The following LAMB3 variants were observed in gnomAD, a reference collection of about 807,000 sequenced individuals.
LAMB3 encodes laminin subunit beta-3.
Under a neutral mutation model 140.3 loss-of-function variants are expected in LAMB3, and 104 were observed. The observed-to-expected ratio is 0.74, with a 90% CI of 0.63 to 0.87. LAMB3 has a LOEUF of 0.87. Among genes scored for constraint, LAMB3 ranks in the 40% least tolerant of loss-of-function variants. LAMB3 has a pLI of 0.00. For missense variants in LAMB3, 1,531 were observed against 1,575.2 expected (o/e 0.97, Z 0.47); for synonymous variants, 592 against 602.9 (o/e 0.98, Z 0.26).
At chr1:209,625,499 G>A (rs1666402452) in intron 14 of LAMB3, 149 bp downstream of exon 14, 1 of 1,061,010 alleles carries the variant, frequency 9.4e-7, no homozygotes, top group South Asian at 1.3e-5. Flanking sequence ...CAGCCTCACA[G>A]GACTGTTGTA....
chr1:209,623,907 A>G lies in LAMB3; in HGVS notation c.2070T>C (p.Asn690=), dbSNP rs1167883454. ...RDLESLDRSF[N]GLLTMYQRKR... ...TCCTCTGATACATAGTAAGGAGACC[A>G]TTGAAGCTTCTGTCAAGACTCTCCA... Residue 690 remains asparagine, a synonymous_variant, in exon 15 of 23, where the codon AAT becomes AAC. Coordinates refer to ENST00000356082, the MANE Select transcript of LAMB3 (RefSeq NM_000228.3). The surrounding 1 kb of genome is among the most constrained non-coding windows in gnomAD (Gnocchi z 4.2). 1.9e-6 allele frequency: 3 copies of G among 1,614,016 alleles called. No individual in the cohort carries two copies. In the South Asian group the frequency reaches 3.3e-5, roughly 18 times the overall value.
At chr1:209,649,402 G>A (rs1006505574) in intron 3 of LAMB3, among the ~76,000 whole-genome samples, 4 of 152,174 alleles carry the variant, frequency 2.6e-5, no homozygotes, top group Non-Finnish European at 5.9e-5. Flanking sequence ...CAAATTAGAA[G>A]AAAAGTTTGT....
intron 2 of LAMB3, 148 bp downstream of exon 2, chr1:209,650,769 C>A: frequency 1.2e-6 from 1 of 815,388 alleles, no homozygotes. Context: ...GGGGAAATCT[C>A]ACAGGTGTCC....
chr1:209,618,196 C>G, intron 19 of LAMB3, 148 bp from the exon 20 acceptor site: 1 of 1,057,322 alleles, frequency 9.5e-7, no homozygotes, highest in Non-Finnish European at 1.4e-6. Flanking sequence ...GCTTTGATGT[C>G]CCAGGACCCC....
chr1:209,617,018 C>T (rs1186826897), intron 21 of LAMB3, among the ~76,000 whole-genome samples: 3 of 152,236 alleles, frequency 2.0e-5, no homozygotes, highest in African/African-American at 7.2e-5. Flanking sequence ...TTGATCTTCT[C>T]TCTCATCTAA....
rs186130143 is a variant in LAMB3 at position 209,616,581 on chromosome 1, C to A, written c.3272G>T (p.Arg1091Leu). The A allele has an allele frequency of 1.1e-5, 17 of 1,614,116 alleles. No individual in the cohort carries two copies. In the African/African-American group the frequency reaches 1.5e-4, roughly 14 times the overall value. The change falls in exon 22 of 23, where the codon CGG (arginine) becomes CTG (leucine). Residue 1091 changes from arginine (R) to leucine (L), a missense_variant. Coordinates refer to ENST00000356082, the MANE Select transcript of LAMB3 (RefSeq NM_000228.3). ...IKQKYAELKD[R>L]LGQSSMLGEQ... The stretch of plus-strand genomic sequence containing the variant: ...ACCCAGCATGGAACTCTGACCCAAC[C>A]GGTCCTTCAACTCAGCATACTTTTG...
chr1:209,625,093 C>T (rs954855826), intron 14 of LAMB3, among the ~76,000 whole-genome samples: 19 of 152,190 alleles, frequency 1.2e-4, no homozygotes, highest in African/African-American at 4.3e-4. Flanking sequence ...TCATTCTTCT[C>T]AGGCTGCCTT....
chr1:209,626,002 G>C lies in LAMB3; in HGVS notation c.1622C>G (p.Thr541Arg), dbSNP rs753165127. The C allele has an allele frequency of 1.2e-6, 2 of 1,613,162 alleles. No individual in the cohort carries two copies. The highest frequency in any genetic ancestry group is 1.7e-4 in the Middle Eastern group (1 of 6,052). ...CRACDCDFRG[T>R]EGPGCDKASG... ...TGCCTTGTCGCAGCCCGGGCCCTCT[G>C]TTCCCCGGAAATCACAGTCACAGGC... The change falls in exon 14 of 23, where the codon ACA becomes AGA. Residue 541 changes from threonine to arginine, a missense_variant. By Grantham distance (71) the Thr-to-Arg change is moderately conservative. Transcript: ENST00000356082.
chr1:209,638,907 C>T (rs545778724), intron 3 of LAMB3, among the ~76,000 whole-genome samples: 47 of 145,272 alleles, frequency 3.2e-4, no homozygotes, highest in Non-Finnish European at 3.6e-4. Flanking sequence ...AGAAGAGGTA[C>T]GAGGTGGGAA....
chr1:209,629,754 A>G lies in LAMB3; in HGVS notation c.1115T>C (p.Ile372Thr). Residue 372 changes from isoleucine to threonine, a missense_variant, in exon 10 of 23, where the codon ATT becomes ACT. Physicochemically the swap from Ile to Thr is moderately conservative, Grantham distance 89 (BLOSUM62 -1). Coordinates refer to ENST00000356082, the MANE Select transcript of LAMB3 (RefSeq NM_000228.3). ...YFRNRRPGAS[I>T]QETCISCECD... Reference sequence around the variant, plus strand: ...CTACTCACAGATGCAGGTCTCCTGAATGGAAGCTCCCGGGCGCCGGTTCCG... The same window carrying G: ...CTACTCACAGATGCAGGTCTCCTGAGTGGAAGCTCCCGGGCGCCGGTTCCG... The G allele has an allele frequency of 6.2e-7, 1 of 1,614,058 alleles. No homozygotes were observed. The highest frequency in any genetic ancestry group is 8.5e-7 in the Non-Finnish European group (1 of 1,180,026).
rs1016444884 is a variant in LAMB3, at chr1:209,624,800, A to G, written c.1977-800T>C. Reference sequence around the variant, plus strand: ...TGAGCGCAAAGATTATGTCATACTAATTTCAATATCCCCAATGCCTGTACA... The same window carrying G: ...TGAGCGCAAAGATTATGTCATACTAGTTTCAATATCCCCAATGCCTGTACA... On this transcript the variant is annotated intron_variant, in intron 14 of 22. Transcript: ENST00000356082. Among the ~76,000 whole-genome samples, 8 of 152,176 alleles carry G rather than the reference A, an allele frequency of 5.3e-5. No homozygotes were observed. In the East Asian group the frequency reaches 1.5e-3, roughly 29 times the overall value.
intron 18 of LAMB3, among the ~76,000 whole-genome samples, chr1:209,621,578 G>A (rs146014417): frequency 6.6e-6 from 1 of 152,298 alleles, no homozygotes; most frequent in African/African-American, 2.4e-5. Context: ...ATCAACTCTT[G>A]TTCCTGAGGC....
intron 3 of LAMB3, among the ~76,000 whole-genome samples, chr1:209,638,957 T>G (rs2076434808): frequency 1.5e-5 from 2 of 134,748 alleles, no homozygotes; most frequent in Non-Finnish European, 1.5e-5. Flanking sequence ...CAGAGAAACT[T>G]GAGAAAAGTG....
rs774502087 is a variant in LAMB3 at position 209,623,940 on chromosome 1, C to T, written c.2037G>A (p.Pro679=). The T allele has an allele frequency of 3.1e-6, 5 of 1,613,962 alleles. No individual in the cohort carries two copies. The highest frequency in any genetic ancestry group is 1.3e-5 in the African/African-American group (1 of 74,912). ...TTCTGTCAAGACTCTCCAGGTCTCT[C>T]GGAAGGGACAACGTCTCCTCCTCCA... The part of the protein sequence containing the change: ...LPLEEETLSL[P]RDLESLDRSF... The change falls in exon 15 of 23, where the codon CCG becomes CCA. Residue 679 remains proline (P), a synonymous_variant. Transcript: ENST00000356082. This position sits in a 1 kb window ranked among gnomAD's most constrained non-coding sequence, Gnocchi z 4.2.
chr1:209,622,766 G>A, intron 17 of LAMB3, 86 bp from the exon 18 acceptor site: 1 of 1,553,880 alleles, frequency 6.4e-7, no homozygotes. Context: ...CATCCTCTAT[G>A]CCAAGACCTA....
At chr1:209,647,711 T>A (rs1009581009) in intron 3 of LAMB3, among the ~76,000 whole-genome samples, 1 of 152,166 alleles carries the variant, frequency 6.6e-6, no homozygotes, top group African/African-American at 2.4e-5. Context: ...GGCTGTCCAG[T>A]ACACCCCCTA....
Position 209,617,994 on chromosome 1 carries a change from C to T in LAMB3, c.2964G>A (p.Arg988=). The change falls in exon 20 of 23, where the codon CGG becomes CGA. Residue 988 remains arginine (R), a synonymous_variant. Transcript: ENST00000356082. ...GQVEDVVGNL[R]QGTVALQEAQ... ...CTTCCTGCAGTGCCACTGTCCCCTG[C>T]CGCAGGTTCCCAACCACATCTTCCA... 6.2e-7 allele frequency: 1 copy of T among 1,614,188 alleles called. No homozygotes were observed. Among genetic ancestry groups the T allele is most frequent in the South Asian group, 1.1e-5 (1 of 91,078 alleles).
chr1:209,618,545 G>A lies in LAMB3; in HGVS notation c.2816C>T (p.Ala939Val). The change falls in exon 19 of 23, where the codon GCA becomes GTA. Residue 939 changes from alanine to valine, a missense_variant. Physicochemically the swap from Ala to Val is moderately conservative, Grantham distance 64 (BLOSUM62 0). Transcript: ENST00000356082. ...CAAGTCCACGTTGGGGAGCCTGGCT[G>A]CAATGGCCTGGATCTCATTCATCTT... ...LQKMNEIQAI[A>V]ARLPNVDLVL... 1 of 1,614,274 alleles carries A rather than the reference G, an allele frequency of 6.2e-7. No homozygotes were observed. The highest frequency in any genetic ancestry group is 8.5e-7 in the Non-Finnish European group (1 of 1,180,050).
chr1:209,632,903 C>A, intron 7 of LAMB3, 127 bp from the exon 8 acceptor site: 1 of 1,055,392 alleles, frequency 9.5e-7, no homozygotes, highest in South Asian at 1.3e-5. Context: ...TCAACCATCC[C>A]ATAGCATCCC....
Sources: allele counts gnomAD v4.1 joint callset (sites outside exome capture counted in the v4.1 genomes callset), GRCh38; gene constraint gnomAD v4.1.1; non-coding constraint Gnocchi (gnomAD v3.1); transcripts MANE v1.5; gene names NCBI Gene and HGNC (gene_info 2026-07-23, HGNC 2026-07-21).